Variants in CELSR1 observed in about 807,000 individuals in gnomAD.
The protein encoded by CELSR1 is adhesion G protein-coupled receptor C1.
CELSR1 carries 110 observed loss-of-function variants against 249.1 expected under a neutral mutation model. The ratio of observed to expected loss-of-function variants is 0.44; its 90% CI spans 0.38 to 0.52. The LOEUF (loss-of-function observed/expected upper bound fraction) is 0.52, where lower values mean the gene tolerates loss of function less well. Ranked by LOEUF, CELSR1 falls within the 20% of genes least tolerant of loss-of-function variation. The pLI, the probability that CELSR1 is intolerant of heterozygous loss-of-function variation, is 0.00. For synonymous variants in CELSR1, 2,113 were observed against 1,900.0 expected (o/e 1.11, Z -2.92); for missense variants, 4,109 against 4,296.4 (o/e 0.96, Z 1.22).
At chr22:46,385,441 C>T (rs1169135633) in intron 19 of CELSR1, among the ~76,000 whole-genome samples, 30 of 152,146 alleles carry the variant, frequency 2.0e-4, no homozygotes, top group Admixed American at 1.7e-3. Flanking sequence ...TCCTGCATCC[C>T]GCCTGTACTT....
Position 46,445,705 on chromosome 22 carries a change from G to A in CELSR1, c.4184-6294C>T, listed in dbSNP as rs150747445. Among the ~76,000 whole-genome samples, 449 of 152,306 alleles carry A rather than the reference G, an allele frequency of 2.9e-3. 3 individuals carry two copies. Among genetic ancestry groups the A allele is most frequent in the African/African-American group, 0.01 (433 of 41,566 alleles). On this transcript the variant is annotated intron_variant, in intron 2 of 34. Coordinates refer to ENST00000674500, the MANE Select transcript of CELSR1 (RefSeq NM_001378328.1). The surrounding 1 kb of genome is among the most constrained non-coding windows in gnomAD (Gnocchi z 4.4). Reference sequence around the variant, plus strand: ...GTGTTTGTCCTGGAATTGCAATCGCGTACATTCTAGCCTCTGCAAACCCGG... The same window carrying A: ...GTGTTTGTCCTGGAATTGCAATCGCATACATTCTAGCCTCTGCAAACCCGG...
At chr22:46,502,684 A>G (rs1372632984) in intron 1 of CELSR1, among the ~76,000 whole-genome samples, 1 of 152,154 alleles carries the variant, frequency 6.6e-6, no homozygotes, top group Non-Finnish European at 1.5e-5. Context: ...CCACTGTCAC[A>G]TGGGGAAATC....
rs1032828667 is a variant in CELSR1, at chr22:46,536,540, A to C, written c.631T>G (p.Ser211Ala). 2 of 1,376,986 alleles carry C rather than the reference A, an allele frequency of 1.5e-6. No individual in the cohort carries two copies. Among genetic ancestry groups the C allele is most frequent in the Non-Finnish European group, 1.9e-6 (2 of 1,072,712 alleles). 85.3% of individuals were successfully genotyped at this position (1,376,986 alleles called of 1,614,324 possible). ...EAATAGTPSA[S>A]PSPSPPLPPN... Reference sequence around the variant, plus strand: ...GGCAGGGGCGGCGATGGGGATGGCGACGCGGAGGGCGTCCCCGCGGTGGCG... The same window carrying C: ...GGCAGGGGCGGCGATGGGGATGGCGCCGCGGAGGGCGTCCCCGCGGTGGCG... The change falls in exon 1 of 35, where the codon TCG (serine) becomes GCG (alanine). Residue 211 changes from serine to alanine, a missense_variant. Around this residue, in one of 7 missense-constraint regions of CELSR1, gnomAD observed 673 missense variants for 636.8 expected, o/e 1.06. Coordinates refer to ENST00000674500, the MANE Select transcript of CELSR1 (RefSeq NM_001378328.1).
At position 46,374,864 on chromosome 22, in the gene CELSR1, T is replaced by C. The variant is rs1262146571; in HGVS notation, c.7585-1807A>G. ...CCGCAGGAGCAGCGACCCTGCCATA[T>C]GGGCCCCGCACACGGAGCCCCCGCC... On this transcript the variant is annotated intron_variant, in intron 24 of 34. Transcript: ENST00000674500. The surrounding 1 kb of genome is among the most constrained non-coding windows in gnomAD (Gnocchi z 4.3). Among the ~76,000 whole-genome samples, 2 of 152,150 alleles carry C rather than the reference T, an allele frequency of 1.3e-5. No homozygotes were observed. Among genetic ancestry groups the C allele is most frequent in the African/African-American group, 2.4e-5 (1 of 41,424 alleles).
chr22:46,498,030 C>T (rs2080429653), intron 1 of CELSR1, among the ~76,000 whole-genome samples: 2 of 151,546 alleles, frequency 1.3e-5, no homozygotes, highest in South Asian at 2.1e-4. Flanking sequence ...GGGTGGATCG[C>T]CTGAGGTCGG....
At chr22:46,424,538 C>T (rs554183539) in intron 5 of CELSR1, among the ~76,000 whole-genome samples, 4 of 152,192 alleles carry the variant, frequency 2.6e-5, no homozygotes, top group Admixed American at 6.5e-5. Flanking sequence ...GGTACAAACA[C>T]TGACACAGTC....
At chr22:46,378,865 C>T in intron 22 of CELSR1, 148 bp from the exon 23 acceptor site, 13 of 1,025,488 alleles carry the variant, frequency 1.3e-5, no homozygotes, top group South Asian at 9.9e-5. Context: ...AAGCCCAGCG[C>T]CCTCGCAGGC....
Position 46,390,800 on chromosome 22 carries a change from C to T in CELSR1, c.6251-314G>A, listed in dbSNP as rs902891942. ...GATCCCATGCACCAGGAATCCATTT[C>T]GGCTGGGCCTTTCCTTGCCTCACTG... On this transcript the variant is annotated intron_variant, in intron 16 of 34. Coordinates refer to ENST00000674500, the MANE Select transcript of CELSR1 (RefSeq NM_001378328.1). The surrounding 1 kb of genome is among the most constrained non-coding windows in gnomAD (Gnocchi z 6.3). 1.3e-5 allele frequency among the ~76,000 whole-genome samples: 2 copies of T among 152,206 alleles called. No individual in the cohort carries two copies. Among genetic ancestry groups the T allele is most frequent in the African/African-American group, 2.4e-5 (1 of 41,460 alleles).
At position 46,471,057 on chromosome 22, in the gene CELSR1, G is replaced by A. The variant is rs534109240; in HGVS notation, c.3545-6712C>T. Among the ~76,000 whole-genome samples, 2 of 152,056 alleles carry A rather than the reference G, an allele frequency of 1.3e-5. No individual in the cohort carries two copies. Among genetic ancestry groups the A allele is most frequent in the African/African-American group, 2.4e-5 (1 of 41,484 alleles). The stretch of plus-strand genomic sequence containing the variant: ...GGAGAATCGCTTGAACCTGGGAGTC[G>A]GAGGTTGCAGTGAGCCAAGATGGCA... On this transcript the variant is annotated intron_variant, in intron 1 of 34. Coordinates refer to ENST00000674500, the MANE Select transcript of CELSR1 (RefSeq NM_001378328.1). The surrounding 1 kb of genome is among the most constrained non-coding windows in gnomAD (Gnocchi z 4.9).
At position 46,464,043 on chromosome 22, in the gene CELSR1, G is replaced by C. The variant is rs1444727429; in HGVS notation, c.3847C>G (p.Gln1283Glu). The C allele has an allele frequency of 1.9e-6, 3 of 1,613,672 alleles. No homozygotes were observed. The highest frequency in any genetic ancestry group is 1.7e-6 in the Non-Finnish European group (2 of 1,180,060). The change falls in exon 2 of 35, where the codon CAG becomes GAG. Residue 1283 changes from glutamine (Q) to glutamate (E), a missense_variant. Physicochemically the swap from Gln to Glu is conservative, Grantham distance 29 (BLOSUM62 2). This residue lies in a region of CELSR1 where 141 missense variants were observed against 209.4 expected (regional missense o/e 0.67). Coordinates refer to ENST00000674500, the MANE Select transcript of CELSR1 (RefSeq NM_001378328.1). This position sits in a 1 kb window ranked among gnomAD's most constrained non-coding sequence, Gnocchi z 8.5. ...QFFPSEDLQE[Q>E]IYLNRTLLTT... The stretch of plus-strand genomic sequence containing the variant: ...AGCAGCGTCCGATTCAGGTAGATCT[G>C]CTCCTGCAGGTCCTCCGACGGGAAG...
At chr22:46,496,055 A>G (rs923318372) in intron 1 of CELSR1, among the ~76,000 whole-genome samples, 5 of 150,686 alleles carry the variant, frequency 3.3e-5, no homozygotes, top group African/African-American at 9.8e-5. Flanking sequence ...TTAGCTGGAC[A>G]TGGTGGTGCA....
At chr22:46,377,591 G>T in intron 23 of CELSR1, 1 of 355,154 alleles carries the variant, frequency 2.8e-6, no homozygotes, top group East Asian at 5.9e-5. Context: ...CCTTTCTTCT[G>T]CCTCAATTTC....
intron 14 of CELSR1, among the ~76,000 whole-genome samples, chr22:46,392,939 A>C (rs1336537754): frequency 6.6e-6 from 1 of 152,020 alleles, no homozygotes; most frequent in African/African-American, 2.4e-5. Flanking sequence ...GCCACCCACT[A>C]TGCCACCACC....
At chr22:46,494,929 C>T (rs1456008264) in intron 1 of CELSR1, among the ~76,000 whole-genome samples, 1 of 152,214 alleles carries the variant, frequency 6.6e-6, no homozygotes, top group African/African-American at 2.4e-5. Flanking sequence ...ATTGCCAGCA[C>T]ACAGAAACAC....
In CELSR1 at chr22:46,527,246, C is replaced by T. The variant is rs934947011; in HGVS notation, c.3544+6381G>A. On this transcript the variant is annotated intron_variant, in intron 1 of 34. Coordinates refer to ENST00000674500, the MANE Select transcript of CELSR1 (RefSeq NM_001378328.1). This position sits in a 1 kb window ranked among gnomAD's most constrained non-coding sequence, Gnocchi z 5.5. ...GCTGAGATGTGTCTGACCATCTAAG[C>T]TGGCAAAGCCCTCCTCAGCCACCCC... 6.6e-6 allele frequency among the ~76,000 whole-genome samples: 1 copy of T among 152,186 alleles called. No homozygotes were observed. Among genetic ancestry groups the T allele is most frequent in the Non-Finnish European group, 1.5e-5 (1 of 68,034 alleles).
intron 1 of CELSR1, among the ~76,000 whole-genome samples, chr22:46,474,281 AC>A (rs2080184517): frequency 6.6e-6 from 1 of 151,896 alleles, no homozygotes; most frequent in African/African-American, 2.4e-5. Flanking sequence ...CCCTCCTGAC[AC>A]CCCCAGGAAG....
rs2079066430 is a variant in CELSR1 at position 46,389,496 on chromosome 22, C to T, written c.6349G>A (p.Glu2117Lys). The change falls in exon 18 of 35, where the codon GAG becomes AAG. Residue 2117 changes from glutamate to lysine, a missense_variant. Transcript: ENST00000674500. ...ISFVDLRAMN[E>K]KLSRNETQVD... ...TGCGTCTCATTGCGGCTCAGCTTCT[C>T]ATTCTGGAACAGGGAGGCAGTCGTG... The T allele has an allele frequency of 6.2e-7, 1 of 1,613,098 alleles. No homozygotes were observed. The highest frequency in any genetic ancestry group is 1.3e-5 in the African/African-American group (1 of 74,958).
At chr22:46,505,254 T>C (rs1178829478) in intron 1 of CELSR1, among the ~76,000 whole-genome samples, 7 of 62,330 alleles carry the variant, frequency 1.1e-4, no homozygotes, top group South Asian at 7.7e-4. Flanking sequence ...AGAGCAAGAC[T>C]CTGTCTCAAA....
intron 5 of CELSR1, among the ~76,000 whole-genome samples, chr22:46,418,770 C>G (rs1426532150): frequency 1.3e-5 from 2 of 152,236 alleles, no homozygotes; most frequent in Non-Finnish European, 2.9e-5. Context: ...AGGTCAGAAC[C>G]AACCGGTCAC....
Sources: gnomAD v4.1 joint callset for allele counts (sites outside exome capture counted in the v4.1 genomes callset) on GRCh38, gnomAD v4.1.1 for gene constraint, gnomAD v4.1.1 regional missense constraint, Gnocchi (gnomAD v3.1) non-coding constraint, MANE v1.5 for transcripts, NCBI Gene and HGNC (gene_info 2026-07-23, HGNC 2026-07-21) for gene names.